The following SSBP2 variants were observed in gnomAD, a reference collection of about 807,000 sequenced individuals.
SSBP2 encodes single-stranded DNA-binding protein 2.
Under a neutral mutation model 61.8 loss-of-function variants are expected in SSBP2, and 17 were observed. The observed-to-expected ratio is 0.28, with a 90% CI of 0.19 to 0.41. The LOEUF (loss-of-function observed/expected upper bound fraction) is 0.41. Among genes scored for constraint, SSBP2 ranks in the 10% least tolerant of loss-of-function variants. The pLI is 1.00. For missense variants in SSBP2, 310 were observed against 458.7 expected, an observed-to-expected ratio of 0.68 and a Z score of 2.96; for synonymous variants, 139 against 141.3, an observed-to-expected ratio of 0.98 and a Z score of 0.12.
intron 15 of SSBP2, among the ~76,000 whole-genome samples, chr5:81,430,332 T>A (rs971176858): frequency 3.9e-5 from 6 of 152,244 alleles, no homozygotes; most frequent in Non-Finnish European, 8.8e-5. Flanking sequence ...TATACACACA[T>A]ATATAAGAAA....
chr5:81,588,900 C>T (rs1775279956), intron 4 of SSBP2, among the ~76,000 whole-genome samples: 1 of 151,942 alleles, frequency 6.6e-6, no homozygotes, highest in Non-Finnish European at 1.5e-5. Flanking sequence ...CCTTTCTTTA[C>T]AAAAAATACA....
At chr5:81,736,239 T>C (rs2154006195) in intron 1 of SSBP2, among the ~76,000 whole-genome samples, 1 of 152,018 alleles carries the variant, frequency 6.6e-6, no homozygotes, top group Non-Finnish European at 1.5e-5. Flanking sequence ...ACAGCCTCAC[T>C]GGACTTCTTC....
At chr5:81,716,465 G>A (rs571588657) in intron 1 of SSBP2, among the ~76,000 whole-genome samples, 5 of 152,196 alleles carry the variant, frequency 3.3e-5, no homozygotes, top group African/African-American at 1.2e-4. Flanking sequence ...AAGAAACCAA[G>A]AATTAAGAAA....
At chr5:81,561,844 T>TA (rs955931975) in intron 4 of SSBP2, among the ~76,000 whole-genome samples, 13 of 152,288 alleles carry the variant, frequency 8.5e-5, no homozygotes, top group African/African-American at 2.4e-4. Flanking sequence ...GTCACAACTT[T>TA]AAAAAAATCA....
chr5:81,611,634 A>G (rs1397940926), intron 4 of SSBP2, among the ~76,000 whole-genome samples: 2 of 152,160 alleles, frequency 1.3e-5, no homozygotes, highest in Non-Finnish European at 2.9e-5. Flanking sequence ...GCATGAAAAT[A>G]GTAAGGAATA....
chr5:81,528,184 C>T (rs532181836), intron 4 of SSBP2, among the ~76,000 whole-genome samples: 5 of 152,058 alleles, frequency 3.3e-5, no homozygotes, highest in East Asian at 3.9e-4. Context: ...GACATGAAAT[C>T]GGTAGAAGCT....
chr5:81,484,503 T>A (rs1402525547), intron 6 of SSBP2, among the ~76,000 whole-genome samples: 1 of 151,984 alleles, frequency 6.6e-6, no homozygotes, highest in African/African-American at 2.4e-5. Context: ...TTCAAAGTCA[T>A]AAGAAAATAC....
intron 4 of SSBP2, among the ~76,000 whole-genome samples, chr5:81,614,157 G>A (rs1404390866): frequency 2.0e-5 from 3 of 151,994 alleles, no homozygotes; most frequent in Non-Finnish European, 4.4e-5. Flanking sequence ...TCAGGAGATC[G>A]AGACCATCTT....
chr5:81,451,775 T>C (rs983159892), intron 10 of SSBP2, among the ~76,000 whole-genome samples: 2 of 152,210 alleles, frequency 1.3e-5, no homozygotes, highest in African/African-American at 4.8e-5. Context: ...CTTCAAAGAG[T>C]TAAATAAAAT....
At chr5:81,629,981 T>C (rs1304918792) in intron 3 of SSBP2, among the ~76,000 whole-genome samples, 3 of 152,230 alleles carry the variant, frequency 2.0e-5, no homozygotes, top group Non-Finnish European at 4.4e-5. Flanking sequence ...ATTTATTCCC[T>C]TGAGGACAAC....
At chr5:81,640,882 A>G (rs925263986) in intron 2 of SSBP2, among the ~76,000 whole-genome samples, 3 of 152,196 alleles carry the variant, frequency 2.0e-5, no homozygotes, top group African/African-American at 7.2e-5. Flanking sequence ...GAATAAATAA[A>G]CCCTCACCAA....
intron 13 of SSBP2, 27 bp downstream of exon 13, chr5:81,442,626 C>T: frequency 1.5e-6 from 2 of 1,341,968 alleles, no homozygotes; most frequent in Non-Finnish European, 2.1e-6. Flanking sequence ...CAAATACATT[C>T]CAAAAATAAA....
Position 81,593,194 on chromosome 5 carries a change from G to A in SSBP2, c.282+22279C>T, listed in dbSNP as rs576038226. Among the ~76,000 whole-genome samples the A allele has an allele frequency of 6.6e-5, 10 of 152,336 alleles. No individual in the cohort carries two copies. In the South Asian group the frequency reaches 1.7e-3, roughly 25 times the overall value. ...AAGGCACGAGAGCTACATGACAAAT[G>A]CAGAAGCCTCAGTAGCCGATGCCAT... On this transcript the variant is annotated intron_variant, in intron 4 of 16. Coordinates refer to ENST00000320672, the MANE Select transcript of SSBP2 (RefSeq NM_012446.5).
intron 1 of SSBP2, among the ~76,000 whole-genome samples, chr5:81,743,882 G>T (rs1404282462): frequency 6.6e-6 from 1 of 152,182 alleles, no homozygotes; most frequent in Non-Finnish European, 1.5e-5. Flanking sequence ...CAAAGAAGCC[G>T]ATCCTGAACC....
chr5:81,644,234 C>T (rs1343916824), intron 2 of SSBP2, among the ~76,000 whole-genome samples: 1 of 152,156 alleles, frequency 6.6e-6, no homozygotes, highest in Non-Finnish European at 1.5e-5. Context: ...AGAGGACTAC[C>T]TCTTATTGGG....
At chr5:81,672,571 T>G (rs1344941914) in intron 1 of SSBP2, among the ~76,000 whole-genome samples, 1 of 151,748 alleles carries the variant, frequency 6.6e-6, no homozygotes, top group African/African-American at 2.4e-5. Flanking sequence ...CAGATACTTT[T>G]TCTTTTTTTT....
chr5:81,643,593 T>A (rs1413663756), intron 2 of SSBP2, among the ~76,000 whole-genome samples: 3 of 134,894 alleles, frequency 2.2e-5, no homozygotes, highest in Non-Finnish European at 4.6e-5. Context: ...CATTTTTCCT[T>A]TCTTTTTTTT....
intron 4 of SSBP2, among the ~76,000 whole-genome samples, chr5:81,531,548 G>A (rs1420295082): frequency 6.6e-6 from 1 of 152,018 alleles, no homozygotes; most frequent in Non-Finnish European, 1.5e-5. Context: ...TAGTGTTTAA[G>A]GTAAGAATTA....
intron 5 of SSBP2, among the ~76,000 whole-genome samples, chr5:81,500,128 T>C (rs757351082): frequency 6.6e-6 from 1 of 152,240 alleles, no homozygotes; most frequent in African/African-American, 2.4e-5. Context: ...TGGTTACTTA[T>C]AGACATGAAG....
Sources: gnomAD v4.1 joint callset for allele counts (sites outside exome capture counted in the v4.1 genomes callset) on GRCh38, gnomAD v4.1.1 for gene constraint, MANE v1.5 for transcripts, NCBI Gene and HGNC (gene_info 2026-07-23, HGNC 2026-07-21) for gene names.